MED13: variants seen among roughly 807,000 people sequenced by gnomAD.
MED13 encodes the protein mediator complex subunit 13, also known as mediator of RNA polymerase II transcription subunit 13.
Under a neutral mutation model 225.2 loss-of-function variants are expected in MED13, and 23 were observed. That is an observed-to-expected ratio of 0.10 (90% CI 0.07 to 0.14). The LOEUF (loss-of-function observed/expected upper bound fraction) is 0.14. MED13 is among the 10% of genes least tolerant of loss of function. MED13 has a pLI of 1.00. For missense variants in MED13, 2,197 were observed against 2,594.5 expected (o/e 0.85, Z 3.33); for synonymous variants, 942 against 889.2 (o/e 1.06, Z -1.06).
chr17:61,952,865 G>C, intron 27 of MED13, 100 bp downstream of exon 27: 1 of 1,368,148 alleles, frequency 7.3e-7, no homozygotes, highest in Non-Finnish European at 1.0e-6. Flanking sequence ...TCAAACTCCT[G>C]ACCTCGTGAT....
At chr17:61,995,100 G>A in intron 10 of MED13, 52 bp downstream of exon 10, 1 of 1,159,960 alleles carries the variant, frequency 8.6e-7, no homozygotes, top group Admixed American at 1.8e-5. Flanking sequence ...GTTACTATAT[G>A]CAGTGCTACA....
intron 2 of MED13, among the ~76,000 whole-genome samples, chr17:62,058,672 C>T (rs1056439607): frequency 4.5e-4 from 69 of 151,936 alleles, no homozygotes; most frequent in African/African-American, 1.6e-3. Context: ...GTAAGAAAAT[C>T]ATCTATGTTT....
At chr17:61,947,624 C>T (rs897740437) in intron 28 of MED13, among the ~76,000 whole-genome samples, 1 of 152,132 alleles carries the variant, frequency 6.6e-6, no homozygotes, top group African/African-American at 2.4e-5. Flanking sequence ...GGTTACAGCA[C>T]AATAAACCTT....
Position 61,984,237 on chromosome 17 carries a change from T to C in MED13, c.2822A>G (p.Gln941Arg). ...IKLPEECIYR[Q>R]SWTVGKLELL... ...TTCCAATTTTCCAACAGTCCAACTC[T>C]GACGGTAAATACACTCTTCTGGCAA... The change falls in exon 15 of 30, where the codon CAG (glutamine) becomes CGG (arginine). Residue 941 changes from glutamine (Q) to arginine (R), a missense_variant. Gln to Arg is a conservative substitution (Grantham distance 43). Around this residue, in one of 12 missense-constraint regions of MED13, gnomAD observed 160 missense variants for 184.8 expected, o/e 0.87. Transcript: ENST00000397786. 6.2e-7 allele frequency: 1 copy of C among 1,610,370 alleles called. No individual in the cohort carries two copies. The highest frequency in any genetic ancestry group is 8.5e-7 in the Non-Finnish European group (1 of 1,178,756).
chr17:62,013,088 G>A (rs1170059732), intron 8 of MED13, among the ~76,000 whole-genome samples: 1 of 151,988 alleles, frequency 6.6e-6, no homozygotes, highest in Non-Finnish European at 1.5e-5. Flanking sequence ...ACTGCGCCCG[G>A]CCGAGACACC....
At chr17:62,020,396 T>C (rs1471907471) in intron 8 of MED13, among the ~76,000 whole-genome samples, 4 of 152,120 alleles carry the variant, frequency 2.6e-5, no homozygotes, top group Non-Finnish European at 5.9e-5. Flanking sequence ...TTTTTCTTTT[T>C]TTAGACAGTC....
chr17:61,988,746 T>A (rs1365528343), intron 11 of MED13, among the ~76,000 whole-genome samples: 3 of 151,962 alleles, frequency 2.0e-5, no homozygotes, highest in Admixed American at 6.6e-5. Context: ...TTTTTTTTTT[T>A]AATGTATGTA....
chr17:62,048,435 A>C (rs1395360185), intron 3 of MED13, among the ~76,000 whole-genome samples: 2 of 151,400 alleles, frequency 1.3e-5, no homozygotes, highest in African/African-American at 4.8e-5. Context: ...AAAGAAAAAG[A>C]AAGCAGAAGG....
intron 16 of MED13, among the ~76,000 whole-genome samples, chr17:61,974,451 A>T (rs1403397544): frequency 6.6e-6 from 1 of 152,154 alleles, no homozygotes; most frequent in Non-Finnish European, 1.5e-5. Context: ...CCTATCAAGT[A>T]CTATGCTTAT....
intron 14 of MED13, 44 bp from the exon 15 acceptor site, chr17:61,984,411 G>C: frequency 7.2e-7 from 1 of 1,396,422 alleles, no homozygotes; most frequent in Non-Finnish European, 9.6e-7. Flanking sequence ...TATCTTCTAG[G>C]AGGAAAAAAT....
chr17:62,056,519 T>C (rs540307093), intron 2 of MED13, among the ~76,000 whole-genome samples: 2 of 152,284 alleles, frequency 1.3e-5, no homozygotes, highest in African/African-American at 2.4e-5. Flanking sequence ...TCCCAGCTAC[T>C]TGGGAAGCTA....
At chr17:61,998,045 A>G (rs1432655291) in intron 9 of MED13, among the ~76,000 whole-genome samples, 1 of 152,142 alleles carries the variant, frequency 6.6e-6, no homozygotes, top group Non-Finnish European at 1.5e-5. Flanking sequence ...TCAAGACACA[A>G]TAAATTTTAA....
At chr17:62,000,658 CA>C (rs1390656559) in intron 9 of MED13, among the ~76,000 whole-genome samples, 1 of 152,160 alleles carries the variant, frequency 6.6e-6, no homozygotes, top group Non-Finnish European at 1.5e-5. Context: ...TCAGCCTATA[CA>C]GATTTCCTTT....
intron 11 of MED13, among the ~76,000 whole-genome samples, chr17:61,990,897 GC>G (rs1339015594): frequency 6.6e-6 from 1 of 151,930 alleles, no homozygotes; most frequent in Non-Finnish European, 1.5e-5. Context: ...TGAATTAGTG[GC>G]CTCAGAACAG....
chr17:61,955,581 A>C lies in MED13; in HGVS notation c.5783-14T>G. 1 of 1,545,582 alleles carries C rather than the reference A, an allele frequency of 6.5e-7. No individual in the cohort carries two copies. On this transcript the variant is annotated splice_polypyrimidine_tract_variant and intron_variant, in intron 25 of 29. Coordinates refer to ENST00000397786, the MANE Select transcript of MED13 (RefSeq NM_005121.3). ...TTGACACAGAATCTGAAAATGAAAG[A>C]CATTTTTTCTTTTAATAAACGAAGA...
intron 16 of MED13, among the ~76,000 whole-genome samples, chr17:61,975,464 AAAAC>A (rs1281058961): frequency 6.6e-6 from 1 of 152,244 alleles, no homozygotes; most frequent in Non-Finnish European, 1.5e-5. Context: ...TATAATAAGA[AAAAC>A]AATGTGACAA....
At chr17:62,049,299 G>C (rs1458906444) in intron 3 of MED13, among the ~76,000 whole-genome samples, 1 of 152,088 alleles carries the variant, frequency 6.6e-6, no homozygotes, top group Non-Finnish European at 1.5e-5. Context: ...AGGGAGAAGT[G>C]ATTTATACTT....
intron 3 of MED13, among the ~76,000 whole-genome samples, chr17:62,048,037 C>CATATACATATACATATACAT (rs1555644417): frequency 3.3e-5 from 4 of 121,358 alleles, no homozygotes; most frequent in African/African-American, 1.3e-4. Flanking sequence ...TATACATATA[C>CATATACATATACATATACAT]ATATACATAT....
At chr17:61,957,606 A>C (rs1438560796) in intron 23 of MED13, among the ~76,000 whole-genome samples, 15 of 151,248 alleles carry the variant, frequency 9.9e-5, no homozygotes, top group South Asian at 2.1e-4. Context: ...CCTTGGCCTC[A>C]CAAAGTGCTA....
Sources: allele counts gnomAD v4.1 joint callset (sites outside exome capture counted in the v4.1 genomes callset), GRCh38; gene constraint gnomAD v4.1.1; regional missense constraint gnomAD v4.1.1; transcripts MANE v1.5; gene names NCBI Gene and HGNC (gene_info 2026-07-23, HGNC 2026-07-21).